CHD9: variants seen among roughly 807,000 people sequenced by gnomAD.
CHD9 encodes ATP-dependent chromatin remodeler CHD9.
CHD9 carries 77 observed loss-of-function variants against 316.1 expected under a neutral mutation model. That is an observed-to-expected ratio of 0.24 (90% confidence interval 0.20 to 0.29). The LOEUF (loss-of-function observed/expected upper bound fraction) is 0.29. CHD9 is among the 10% of genes least tolerant of loss of function. CHD9 has a pLI of 1.00. For missense variants in CHD9, 2,763 were observed against 3,438.1 expected, an observed-to-expected ratio of 0.80 and a Z score of 4.91; for synonymous variants, 1,129 against 1,158.3, an observed-to-expected ratio of 0.97 and a Z score of 0.51.
intron 10 of CHD9, among the ~76,000 whole-genome samples, chr16:53,232,119 T>C (rs79483266): frequency 0.012 from 1,896 of 152,302 alleles, 36 homozygotes; most frequent in African/African-American, 0.043. Context: ...TTTCTGGTCT[T>C]CTTACTTTAT....
At chr16:53,240,074 C>T (rs2048962091) in intron 12 of CHD9, among the ~76,000 whole-genome samples, 1 of 151,994 alleles carries the variant, frequency 6.6e-6, no homozygotes, top group Non-Finnish European at 1.5e-5. Context: ...ATTTCCACAC[C>T]TGGCTAATTA....
At chr16:53,122,717 A>AT (rs1234770259) in intron 1 of CHD9, among the ~76,000 whole-genome samples, 7 of 149,970 alleles carry the variant, frequency 4.7e-5, no homozygotes, top group Non-Finnish European at 7.4e-5. Context: ...GCTAATTTTT[A>AT]TTTTTTTGAG....
rs1406828897 is a variant in CHD9 at position 53,137,967 on chromosome 16, A to G, written c.-164-17959A>G. On this transcript the variant is annotated intron_variant, in intron 1 of 38. Transcript: ENST00000447540. The stretch of plus-strand genomic sequence containing the variant: ...GATAGAGAATAAGAGAACTTTTATC[A>G]AGGTATACTTGATAGCTATTAGGTG... 7.9e-5 allele frequency among the ~76,000 whole-genome samples: 12 copies of G among 152,342 alleles called. No individual in the cohort carries two copies. In the South Asian group the frequency reaches 2.1e-3, roughly 26 times the overall value.
At chr16:53,148,941 G>A (rs1053829644) in intron 1 of CHD9, among the ~76,000 whole-genome samples, 2 of 151,958 alleles carry the variant, frequency 1.3e-5, no homozygotes, top group East Asian at 3.9e-4. Flanking sequence ...ATAAGCACTG[G>A]GTCTGATAAG....
intron 1 of CHD9, among the ~76,000 whole-genome samples, chr16:53,141,777 A>C (rs919548382): frequency 1.3e-5 from 2 of 152,206 alleles, no homozygotes; most frequent in African/African-American, 4.8e-5. Flanking sequence ...AAATGAGTGT[A>C]TAATAACTTG....
At chr16:53,307,604 A>G in intron 32 of CHD9, 77 bp from the exon 33 acceptor site, 1 of 1,325,646 alleles carries the variant, frequency 7.5e-7, no homozygotes, top group South Asian at 1.5e-5. Context: ...TTAAATCCAT[A>G]GACTCTTGAG....
intron 22 of CHD9, 106 bp downstream of exon 22, chr16:53,268,232 A>G (rs2051887771): frequency 2.6e-6 from 2 of 782,666 alleles, no homozygotes; most frequent in Non-Finnish European, 3.9e-6. Context: ...AATATTAAGG[A>G]ACCTTAACCT....
At chr16:53,121,489 A>C (rs183117191) in intron 1 of CHD9, 110 of 453,994 alleles carry the variant, frequency 2.4e-4, no homozygotes, top group African/African-American at 1.8e-3. Flanking sequence ...GTAAAGTAGG[A>C]TCATGCTTTG....
chr16:53,232,423 T>C (rs573316110), intron 10 of CHD9, among the ~76,000 whole-genome samples: 35 of 152,272 alleles, frequency 2.3e-4, no homozygotes, highest in African/African-American at 7.9e-4. Flanking sequence ...GCCTTAGATA[T>C]ATGTTATAGG....
At chr16:53,150,628 C>T (rs905439842) in intron 1 of CHD9, among the ~76,000 whole-genome samples, 11 of 152,078 alleles carry the variant, frequency 7.2e-5, no homozygotes, top group Admixed American at 1.3e-4. Context: ...TCATTTTATC[C>T]GAATGGATTC....
At chr16:53,095,389 A>T (rs1045376312) in intron 1 of CHD9, among the ~76,000 whole-genome samples, 2 of 151,964 alleles carry the variant, frequency 1.3e-5, no homozygotes, top group Admixed American at 6.6e-5. Context: ...CTACAAAAAA[A>T]TTTTTAAAAT....
At chr16:53,208,470 A>T (rs1215092984) in intron 2 of CHD9, 14 of 1,163,296 alleles carry the variant, frequency 1.2e-5, no homozygotes, top group African/African-American at 1.6e-5. Context: ...CGCCATCTTG[A>T]GCTTGTTGCT....
At chr16:53,106,682 C>T (rs541042497) in intron 1 of CHD9, among the ~76,000 whole-genome samples, 2 of 144,920 alleles carry the variant, frequency 1.4e-5, no homozygotes, top group Admixed American at 6.9e-5. Flanking sequence ...ACACACACAG[C>T]GCGATGTGCA....
At chr16:53,271,268 AG>A (rs1210670996) in intron 22 of CHD9, among the ~76,000 whole-genome samples, 1 of 152,152 alleles carries the variant, frequency 6.6e-6, no homozygotes, top group African/African-American at 2.4e-5. Context: ...AACATGAAAG[AG>A]AGAGACAAAA....
chr16:53,159,656 C>T (rs1359629176), intron 2 of CHD9, among the ~76,000 whole-genome samples: 1 of 152,172 alleles, frequency 6.6e-6, no homozygotes, highest in African/African-American at 2.4e-5. Context: ...GTCTCCCAGG[C>T]TAGAGTGCAC....
intron 20 of CHD9, among the ~76,000 whole-genome samples, chr16:53,263,828 C>T (rs1026924349): frequency 4.6e-5 from 7 of 151,872 alleles, no homozygotes; most frequent in South Asian, 2.1e-4. Flanking sequence ...AACAGGTAAA[C>T]GTGAAAAGGT....
chr16:53,195,326 A>T (rs1023684910), intron 2 of CHD9, among the ~76,000 whole-genome samples: 1 of 152,198 alleles, frequency 6.6e-6, no homozygotes, highest in Non-Finnish European at 1.5e-5. Context: ...ACATATACCC[A>T]AGATTGGAAT....
At position 53,151,968 on chromosome 16, in the gene CHD9, A is replaced by ATGTG. The variant is rs75657191; in HGVS notation, c.-164-3935_-164-3932dup. Among the ~76,000 whole-genome samples, 157 of 147,480 alleles carry ATGTG rather than the reference A, an allele frequency of 1.1e-3. 2 individuals carry two copies. In the South Asian group the frequency reaches 0.014, roughly 13 times the overall value. On this transcript the variant is annotated intron_variant, in intron 1 of 38. Coordinates refer to ENST00000447540, the MANE Select transcript of CHD9 (RefSeq NM_001308319.2). Reference sequence around the variant, plus strand: ...CTTATTCTTTGTATGCTTTCAGGGTATGTGTGTGTGTGTGTGTGTGTGTGT... The same window carrying ATGTG: ...CTTATTCTTTGTATGCTTTCAGGGTATGTGTGTGTGTGTGTGTGTGTGTGTGTGT...
At chr16:53,199,748 A>G (rs560154131) in intron 2 of CHD9, among the ~76,000 whole-genome samples, 2 of 152,270 alleles carry the variant, frequency 1.3e-5, no homozygotes, top group South Asian at 4.1e-4. Flanking sequence ...CTTCCATCTC[A>G]GCTACTTCCA....
Sources: allele counts gnomAD v4.1 joint callset (sites outside exome capture counted in the v4.1 genomes callset), GRCh38; gene constraint gnomAD v4.1.1; transcripts MANE v1.5; gene names NCBI Gene and HGNC (gene_info 2026-07-23, HGNC 2026-07-21).